Variants in DRC8 observed in about 807,000 individuals in gnomAD.
The protein encoded by DRC8 is dynein regulatory complex protein 8.
the DRC8 span, among the ~76,000 whole-genome samples, chr1:245,035,866 C>CAAA: frequency 0.031 from 3,412 of 109,838 alleles, 123 homozygotes; most frequent in East Asian, 0.16. Context: ...GACTCTGTCT[C>CAAA]AAAAAAAAAA....
At chr1:245,003,796 A>T in the DRC8 span, among the ~76,000 whole-genome samples, 1 of 151,810 alleles carries the variant, frequency 6.6e-6, no homozygotes, top group African/African-American at 2.4e-5. Context: ...TAGAGACAGG[A>T]TCTCACTATG....
the DRC8 span, among the ~76,000 whole-genome samples, chr1:245,019,465 GT>G: frequency 2.0e-5 from 3 of 152,092 alleles, no homozygotes; most frequent in African/African-American, 7.2e-5. Context: ...ATAACTCACT[GT>G]ATGTAACCTT....
chr1:244,995,973 G>A, the DRC8 span, among the ~76,000 whole-genome samples: 1 of 152,174 alleles, frequency 6.6e-6, no homozygotes, highest in African/African-American at 2.4e-5. Context: ...ATGTTATCTA[G>A]TACTATTACC....
the DRC8 span, among the ~76,000 whole-genome samples, chr1:245,026,620 G>A: frequency 2.0e-5 from 3 of 152,198 alleles, no homozygotes; most frequent in South Asian, 4.2e-4. Context: ...GGAATTGCTG[G>A]GTCCACACAC....
chr1:245,027,870 G>GT, the DRC8 span, among the ~76,000 whole-genome samples: 1,341 of 137,858 alleles, frequency 9.7e-3, 16 homozygotes, highest in African/African-American at 0.027. Flanking sequence ...TCTCTTGTCA[G>GT]TTTTTTTTTT....
chr1:244,970,641 G>GCCCCGCCCCGCCCCGCCTCTCGC, the DRC8 span: 1 of 90,096 alleles, frequency 1.1e-5, no homozygotes, highest in Non-Finnish European at 1.7e-5. Context: ...CCGCCGCTCC[G>GCCCCGCCCCGCCCCGCCTCTCGC]CCCCGCCCCG....
At chr1:245,027,141 G>A in the DRC8 span, among the ~76,000 whole-genome samples, 2 of 152,118 alleles carry the variant, frequency 1.3e-5, no homozygotes, top group Admixed American at 6.6e-5. Context: ...CTTTGTAGTT[G>A]CTTTGTTAAA....
chr1:245,076,047 G>A, the DRC8 span, among the ~76,000 whole-genome samples: 1 of 152,172 alleles, frequency 6.6e-6, no homozygotes, highest in African/African-American at 2.4e-5. Flanking sequence ...AATTCCGTGC[G>A]CTATCTTATT....
At chr1:244,974,905 G>A in the DRC8 span, among the ~76,000 whole-genome samples, 2 of 151,840 alleles carry the variant, frequency 1.3e-5, no homozygotes, top group Non-Finnish European at 1.5e-5. Context: ...TGTTGGCTAC[G>A]CTGGTCTCAA....
the DRC8 span, among the ~76,000 whole-genome samples, chr1:244,987,295 G>C: frequency 6.6e-6 from 1 of 151,736 alleles, no homozygotes; most frequent in Admixed American, 6.6e-5. Context: ...CCACCTCCCG[G>C]GTTCAAGCAA....
the DRC8 span, among the ~76,000 whole-genome samples, chr1:245,098,167 A>G: frequency 6.6e-6 from 1 of 152,340 alleles, no homozygotes; most frequent in South Asian, 2.1e-4. Flanking sequence ...GACACCAAGA[A>G]TGATCACAAG....
the DRC8 span, chr1:244,970,797 G>C: frequency 5.4e-6 from 2 of 368,282 alleles, no homozygotes; most frequent in Non-Finnish European, 4.9e-6. Context: ...CCCTCCCTCG[G>C]AGGCCGGGCC....
chr1:244,983,708 C>T, the DRC8 span, among the ~76,000 whole-genome samples: 1,135 of 136,870 alleles, frequency 8.3e-3, 11 homozygotes, highest in African/African-American at 0.029. Flanking sequence ...CCATTGTACT[C>T]CAGCCTGGGC....
the DRC8 span, among the ~76,000 whole-genome samples, chr1:245,097,851 G>T: frequency 7.2e-5 from 11 of 152,184 alleles, no homozygotes; most frequent in African/African-American, 2.7e-4. The surrounding 1 kb of genome is among the most constrained non-coding windows in gnomAD (Gnocchi z 5.0). Flanking sequence ...CAGCCAGCAG[G>T]ATCAGCAAGG....
At chr1:245,113,485 G>A in the DRC8 span, among the ~76,000 whole-genome samples, 1 of 152,278 alleles carries the variant, frequency 6.6e-6, no homozygotes, top group African/African-American at 2.4e-5. Flanking sequence ...TAAGTACTGC[G>A]AGAAACAGAA....
At chr1:245,003,843 A>G in the DRC8 span, among the ~76,000 whole-genome samples, 2 of 152,144 alleles carry the variant, frequency 1.3e-5, no homozygotes, top group South Asian at 4.2e-4. Context: ...GCCTCAAGCA[A>G]TCCTCCCCCC....
chr1:244,995,939 C>T, the DRC8 span, among the ~76,000 whole-genome samples: 3 of 152,218 alleles, frequency 2.0e-5, no homozygotes, highest in African/African-American at 4.8e-5. Context: ...GCCAGCTCCC[C>T]GTTTTCCCGT....
the DRC8 span, among the ~76,000 whole-genome samples, chr1:245,041,729 C>A: frequency 6.6e-6 from 1 of 152,028 alleles, no homozygotes. Context: ...TAAAATGAGG[C>A]CATTGGGGTG....
the DRC8 span, among the ~76,000 whole-genome samples, chr1:245,101,415 G>A: frequency 7.9e-5 from 12 of 152,212 alleles, no homozygotes; most frequent in African/African-American, 2.4e-4. Flanking sequence ...TTGATTTGGC[G>A]GGACCAGATT....
Sources: allele counts gnomAD v4.1 joint callset (sites outside exome capture counted in the v4.1 genomes callset), GRCh38; gene constraint gnomAD v4.1.1; non-coding constraint Gnocchi (gnomAD v3.1); transcripts MANE v1.5; gene names NCBI Gene and HGNC (gene_info 2026-07-23, HGNC 2026-07-21).